The following RGPD2 variants were observed in gnomAD, a reference collection of about 807,000 sequenced individuals.
The protein encoded by RGPD2 is RANBP2-like and GRIP domain-containing protein 2.
In RGPD2, 2 loss-of-function variants were observed where a neutral mutation model predicts 36.0. That is an observed-to-expected ratio of 0.06 (90% CI 0.02 to 0.17). The LOEUF (loss-of-function observed/expected upper bound fraction) is 0.17. Among genes scored for constraint, RGPD2 ranks in the 10% least tolerant of loss-of-function variants. The pLI is 1.00. For synonymous variants in RGPD2, 19 were observed against 163.8 expected, an observed-to-expected ratio of 0.12 and a Z score of 6.75; for missense variants, 40 against 464.3, an observed-to-expected ratio of 0.09 and a Z score of 8.40.
chr2:87,857,778 A>AT, the RGPD2 span, among the ~76,000 whole-genome samples: 1 of 65,118 alleles, frequency 1.5e-5, no homozygotes, highest in East Asian at 9.0e-4. Context: ...CTCTACTAAA[A>AT]AAAAAAAAAA....
At chr2:87,930,899 T>G in the RGPD2 span, among the ~76,000 whole-genome samples, 6 of 144,996 alleles carry the variant, frequency 4.1e-5, no homozygotes, top group African/African-American at 1.5e-4. Context: ...TTGTTTGTAT[T>G]TCCGTGAGGT....
At chr2:87,860,741 T>C in the RGPD2 span, among the ~76,000 whole-genome samples, 1 of 152,342 alleles carries the variant, frequency 6.6e-6, no homozygotes. Context: ...TGTGTGTGTG[T>C]CTGCGTATGC....
chr2:87,961,374 C>G, the RGPD2 span, among the ~76,000 whole-genome samples: 1 of 151,910 alleles, frequency 6.6e-6, no homozygotes, highest in African/African-American at 2.4e-5. Flanking sequence ...GAGCTGCACT[C>G]GGCCGGGCTC....
At chr2:87,906,699 A>G in the RGPD2 span, among the ~76,000 whole-genome samples, 4 of 150,568 alleles carry the variant, frequency 2.7e-5, no homozygotes, top group Non-Finnish European at 5.9e-5. Flanking sequence ...GTACACCTAA[A>G]TCACCTGCAT....
At chr2:87,891,473 GA>G in the RGPD2 span, among the ~76,000 whole-genome samples, 1 of 132,282 alleles carries the variant, frequency 7.6e-6, no homozygotes, top group Non-Finnish European at 1.6e-5. Context: ...GGAGTTTCAA[GA>G]GTCATAGGCA....
chr2:87,849,504 T>C, the RGPD2 span, among the ~76,000 whole-genome samples: 10 of 151,692 alleles, frequency 6.6e-5, no homozygotes, highest in African/African-American at 2.4e-4. Context: ...TCCATCTTTA[T>C]ATGGACAAGT....
intron 1 of RGPD2, chr2:87,824,794 G>C (rs1193475247): frequency 0.16 from 3,261 of 20,952 alleles, 149 homozygotes; most frequent in African/African-American, 0.38. Context: ...CCGAGGCCGA[G>C]GCCGCCGCCG....
the RGPD2 span, among the ~76,000 whole-genome samples, chr2:87,986,783 G>T: frequency 1.3e-5 from 2 of 151,400 alleles, no homozygotes; most frequent in African/African-American, 4.9e-5. Context: ...AGGAGGCTGA[G>T]GCAGGAGAAT....
At chr2:87,821,969 T>C (rs897655915) in intron 1 of RGPD2, among the ~76,000 whole-genome samples, 5 of 147,854 alleles carry the variant, frequency 3.4e-5, no homozygotes, top group African/African-American at 1.0e-4. Context: ...TAAATTTCTC[T>C]CTCTTTTTTT....
At chr2:87,827,078 TTC>T (rs887043737), upstream of RGPD2, among the ~76,000 whole-genome samples, 1 of 150,908 alleles carries the variant, frequency 6.6e-6, no homozygotes, top group Non-Finnish European at 1.5e-5. Flanking sequence ...TGTTCTCTCT[TTC>T]TCTCTCTCTC....
chr2:87,798,751 C>T (rs1449497349), intron 8 of RGPD2, among the ~76,000 whole-genome samples: 16 of 132,332 alleles, frequency 1.2e-4, no homozygotes, highest in African/African-American at 4.3e-4. Flanking sequence ...GCCTGTAGTC[C>T]CAGCTACTGG....
At chr2:87,884,651 CTA>C in the RGPD2 span, among the ~76,000 whole-genome samples, 6 of 151,524 alleles carry the variant, frequency 4.0e-5, no homozygotes, top group Non-Finnish European at 8.9e-5. Context: ...TCATAAGAGA[CTA>C]TTGTGAAAAA....
rs1417762849 is a variant in RGPD2 at position 87,825,504 on chromosome 2, G to GCCGCCCGGCC, written c.72+153_72+154insGGCCGGGCGG. 4.6e-4 allele frequency among the ~76,000 whole-genome samples: 30 copies of GCCGCCCGGCC among 65,500 alleles called. 1 individual carries two copies. Among genetic ancestry groups the GCCGCCCGGCC allele is most frequent in the African/African-American group, 1.7e-3 (25 of 15,032 alleles). 43.0% of individuals were successfully genotyped at this position (65,500 alleles called of 152,430 possible). On this transcript the variant is annotated intron_variant, in intron 1 of 22. Transcript: ENST00000398146. ...CCGCCGCCGCCGCCCGGCCGAGGCC[G>GCCGCCCGGCC]AGGCCGAGGCCGCCGCCCGGCCGAG...
chr2:87,915,261 CGT>C, the RGPD2 span, among the ~76,000 whole-genome samples: 75 of 133,100 alleles, frequency 5.6e-4, no homozygotes, highest in African/African-American at 1.4e-3. Context: ...TAAATATATA[CGT>C]GTGTGTGTGT....
At chr2:87,894,747 G>A in the RGPD2 span, among the ~76,000 whole-genome samples, 2 of 134,862 alleles carry the variant, frequency 1.5e-5, no homozygotes, top group Non-Finnish European at 3.2e-5. Flanking sequence ...AAGTTGAGCA[G>A]TGAAAAAAAT....
the RGPD2 span, among the ~76,000 whole-genome samples, chr2:87,857,609 G>A: frequency 4.0e-5 from 6 of 151,648 alleles, no homozygotes; most frequent in African/African-American, 1.5e-4. Flanking sequence ...CCCAAAGTGA[G>A]CCACCGCGCC....
chr2:87,846,435 T>C, the RGPD2 span, among the ~76,000 whole-genome samples: 5 of 152,092 alleles, frequency 3.3e-5, no homozygotes, highest in African/African-American at 7.2e-5. Context: ...TCCCAATACA[T>C]AGACATGATA....
At chr2:87,911,258 T>C in the RGPD2 span, among the ~76,000 whole-genome samples, 1 of 140,726 alleles carries the variant, frequency 7.1e-6, no homozygotes, top group Admixed American at 7.5e-5. Context: ...TGTCTTTTTT[T>C]TTCAGAGCCT....
chr2:87,918,661 A>T, the RGPD2 span, among the ~76,000 whole-genome samples: 3 of 152,098 alleles, frequency 2.0e-5, no homozygotes, highest in East Asian at 5.8e-4. Flanking sequence ...CTTACAATAG[A>T]GTAAGTGTGT....
Sources: gnomAD v4.1 joint callset for allele counts (sites outside exome capture counted in the v4.1 genomes callset) on GRCh38, gnomAD v4.1.1 for gene constraint, MANE v1.5 for transcripts, NCBI Gene and HGNC (gene_info 2026-07-23, HGNC 2026-07-21) for gene names.